The following PDE8A variants were observed in gnomAD, a reference collection of about 807,000 sequenced individuals.
PDE8A encodes the protein high affinity cAMP-specific and IBMX-insensitive 3',5'-cyclic phosphodiesterase 8A.
A neutral mutation model predicts 105.0 loss-of-function variants in PDE8A; 59 were observed. The observed-to-expected ratio is 0.56, with a 90% CI of 0.46 to 0.70. The LOEUF (loss-of-function observed/expected upper bound fraction) is 0.70. Among genes scored for constraint, PDE8A ranks in the 30% least tolerant of loss-of-function variants. The pLI is 0.00. For missense variants in PDE8A, 1,014 were observed against 1,045.9 expected (o/e 0.97, Z 0.42); for synonymous variants, 355 against 371.9 (o/e 0.95, Z 0.52).
intron 1 of PDE8A, among the ~76,000 whole-genome samples, chr15:84,985,423 T>C (rs939573423): frequency 2.0e-5 from 3 of 152,246 alleles, no homozygotes; most frequent in African/African-American, 7.2e-5. Flanking sequence ...TTGTTTATTT[T>C]TAATCAGTGT....
At chr15:85,060,528 T>A (rs1812745361) in intron 1 of PDE8A, among the ~76,000 whole-genome samples, 1 of 152,204 alleles carries the variant, frequency 6.6e-6, no homozygotes, top group South Asian at 2.1e-4. Context: ...GTAGAGACAA[T>A]TTAAAGCGTA....
chr15:85,066,393 T>A (rs1432580156), intron 2 of PDE8A, among the ~76,000 whole-genome samples: 1 of 151,860 alleles, frequency 6.6e-6, no homozygotes, highest in Non-Finnish European at 1.5e-5. Flanking sequence ...GGACCCCATC[T>A]CTACTGAAAA....
chr15:84,992,653 A>G (rs2079904633), intron 1 of PDE8A, among the ~76,000 whole-genome samples: 1 of 152,170 alleles, frequency 6.6e-6, no homozygotes, highest in Non-Finnish European at 1.5e-5. Context: ...GGTATGACTA[A>G]CTTAGTGCAG....
chr15:85,051,135 G>A (rs1211762334), intron 1 of PDE8A, among the ~76,000 whole-genome samples: 1 of 152,096 alleles, frequency 6.6e-6, no homozygotes, highest in African/African-American at 2.4e-5. Context: ...TAGAAATGCA[G>A]CTTGTTTGGT....
intron 3 of PDE8A, among the ~76,000 whole-genome samples, chr15:85,072,171 C>A (rs1369434730): frequency 6.6e-6 from 1 of 152,340 alleles, no homozygotes; most frequent in Non-Finnish European, 1.5e-5. Flanking sequence ...AAATCCCATT[C>A]TTTTTCATCT....
chr15:85,102,039 A>T (rs909142790), intron 11 of PDE8A, among the ~76,000 whole-genome samples: 1 of 152,336 alleles, frequency 6.6e-6, no homozygotes, highest in South Asian at 2.1e-4. Context: ...CCAGCCAAGC[A>T]TTAGCAAGTA....
rs747633684 is a variant in PDE8A at position 85,113,987 on chromosome 15, G to T, written c.1300G>T (p.Ala434Ser). 1.6e-5 allele frequency: 26 copies of T among 1,613,898 alleles called. No individual in the cohort carries two copies. Among genetic ancestry groups the T allele is most frequent in the African/African-American group, 2.7e-5 (2 of 74,936 alleles). ...TTELYSPQFG[A>S]KDDDPHANDL... ...TGAGTTATATTCACCACAGTTTGGT[G>T]CTAAAGATGATGATCCCCATGCCAA... Residue 434 changes from alanine to serine, a missense_variant, in exon 14 of 22, where the codon GCT becomes TCT. By Grantham distance (99) the Ala-to-Ser change is moderately conservative. Coordinates refer to ENST00000394553, the MANE Select transcript of PDE8A (RefSeq NM_002605.3).
chr15:85,113,695 T>G (rs1005552310), intron 13 of PDE8A, among the ~76,000 whole-genome samples, 178 bp from the exon 14 acceptor site: 3 of 152,162 alleles, frequency 2.0e-5, no homozygotes, highest in Non-Finnish European at 2.9e-5. Flanking sequence ...TGTTATTTGT[T>G]TTTTAGAGAT....
intron 1 of PDE8A, among the ~76,000 whole-genome samples, chr15:85,012,094 T>C (rs2141334387): frequency 6.6e-6 from 1 of 152,304 alleles, no homozygotes; most frequent in East Asian, 1.9e-4. Context: ...TTTTACACTG[T>C]TGGTGGGACT....
At chr15:85,099,760 T>C (rs539859466) in intron 9 of PDE8A, 6 of 476,438 alleles carry the variant, frequency 1.3e-5, no homozygotes, top group East Asian at 1.0e-4. Flanking sequence ...TTAAAAAATA[T>C]GTATATTTGA....
intron 17 of PDE8A, 118 bp downstream of exon 17, chr15:85,117,957 G>C (rs2082122891): frequency 2.4e-6 from 2 of 826,328 alleles, no homozygotes; most frequent in Non-Finnish European, 4.1e-6. Flanking sequence ...GGCACAGGAA[G>C]GGCAAGGTCA....
Position 85,076,707 on chromosome 15 carries a change from A to G in PDE8A, c.492-26A>G, listed in dbSNP as rs74024798. ...GATGTAATTGATAAAAACTATGTCTATGTTCTTTACTGTGTTATTTTGAAG... is the reference window on the plus strand; with the variant it reads ...GATGTAATTGATAAAAACTATGTCTGTGTTCTTTACTGTGTTATTTTGAAG... On this transcript the variant is annotated intron_variant, in intron 4 of 21. Coordinates refer to ENST00000394553, the MANE Select transcript of PDE8A (RefSeq NM_002605.3). 2,831 of 1,452,950 alleles carry G rather than the reference A, an allele frequency of 1.9e-3. 15 individuals are homozygous for G. The highest frequency in any genetic ancestry group is 0.019 in the African/African-American group (1,337 of 71,796). 90.0% of individuals were successfully genotyped at this position (1,452,950 alleles called of 1,614,324 possible).
At chr15:85,112,571 C>T (rs1021832612) in intron 12 of PDE8A, among the ~76,000 whole-genome samples, 1 of 152,154 alleles carries the variant, frequency 6.6e-6, no homozygotes, top group Non-Finnish European at 1.5e-5. Flanking sequence ...ACATTTGAGA[C>T]CCCCTGAATT....
chr15:85,024,318 A>G (rs1287191656), intron 1 of PDE8A, among the ~76,000 whole-genome samples: 3 of 152,212 alleles, frequency 2.0e-5, no homozygotes, highest in Non-Finnish European at 4.4e-5. Flanking sequence ...AGTACCTGGC[A>G]TATATTTGGT....
chr15:85,029,242 T>A (rs1224880503), intron 1 of PDE8A, among the ~76,000 whole-genome samples: 1 of 152,140 alleles, frequency 6.6e-6, no homozygotes, highest in East Asian at 1.9e-4. Flanking sequence ...AGTAGGATCC[T>A]CTGAAGCCAG....
chr15:84,984,721 A>G (rs1235529864), intron 1 of PDE8A, among the ~76,000 whole-genome samples: 1 of 152,220 alleles, frequency 6.6e-6, no homozygotes, highest in Non-Finnish European at 1.5e-5. Context: ...TTAGTATTGT[A>G]TGAGAAAAGA....
intron 1 of PDE8A, among the ~76,000 whole-genome samples, chr15:85,014,189 C>G (rs971003623): frequency 1.9e-4 from 29 of 151,648 alleles, no homozygotes; most frequent in African/African-American, 6.8e-4. Context: ...CCCAGGCTAC[C>G]AGGCTGGAGT....
chr15:85,087,837 A>G (rs1433311346), intron 6 of PDE8A, among the ~76,000 whole-genome samples: 1 of 152,190 alleles, frequency 6.6e-6, no homozygotes, highest in Non-Finnish European at 1.5e-5. Context: ...TTACATATGC[A>G]TTTGTACAAG....
At chr15:84,995,280 T>A (rs1387559866) in intron 1 of PDE8A, among the ~76,000 whole-genome samples, 1 of 152,004 alleles carries the variant, frequency 6.6e-6, no homozygotes, top group African/African-American at 2.4e-5. Context: ...TTTTGCCTGT[T>A]CTAATTTTAA....
Sources: allele counts gnomAD v4.1 joint callset (sites outside exome capture counted in the v4.1 genomes callset), GRCh38; gene constraint gnomAD v4.1.1; transcripts MANE v1.5; gene names NCBI Gene and HGNC (gene_info 2026-07-23, HGNC 2026-07-21).